The following TRIP12 variants were observed in gnomAD, a reference collection of about 807,000 sequenced individuals.
TRIP12 encodes thyroid hormone receptor interactor 12.
Under a neutral mutation model 244.2 loss-of-function variants are expected in TRIP12, and 25 were observed. The observed-to-expected ratio is 0.10, with a 90% CI of 0.07 to 0.14. TRIP12 has a LOEUF of 0.14. Among genes scored for constraint, TRIP12 ranks in the 10% least tolerant of loss-of-function variants. TRIP12 has a pLI of 1.00. For synonymous variants in TRIP12, 905 were observed against 873.1 expected (o/e 1.04, Z -0.64); for missense variants, 1,677 against 2,486.4 (o/e 0.67, Z 6.92).
rs376666903 is a variant in TRIP12 at position 229,873,699 on chromosome 2, A to G, written c.98+6283T>C. Among the ~76,000 whole-genome samples, 53 of 152,286 alleles carry G rather than the reference A, an allele frequency of 3.5e-4. 1 individual carries two copies. Among genetic ancestry groups the G allele is most frequent in the African/African-American group, 1.1e-3 (47 of 41,574 alleles). The stretch of plus-strand genomic sequence containing the variant: ...TGAAAACACAACTCTATTTCTTTCT[A>G]TATAACTAATGGGGGTTTAAAAAAA... On this transcript the variant is annotated intron_variant, in intron 2 of 41. Coordinates refer to ENST00000675903, the MANE Select transcript of TRIP12 (RefSeq NM_001348323.3).
chr2:229,897,395 C>A lies in TRIP12; in HGVS notation c.-49-17267G>T, dbSNP rs146932594. Among the ~76,000 whole-genome samples the A allele has an allele frequency of 2.9e-3, 447 of 152,306 alleles. 2 individuals are homozygous for A. The highest frequency in any genetic ancestry group is 0.01 in the African/African-American group (427 of 41,568). Reference sequence around the variant, plus strand: ...AGGTGCAGTGGCTCACGCCTGTAATCCCAGCACTTTGGGAGGCCAAGGTGG... The same window carrying A: ...AGGTGCAGTGGCTCACGCCTGTAATACCAGCACTTTGGGAGGCCAAGGTGG... On this transcript the variant is annotated intron_variant, in intron 1 of 41. Coordinates refer to ENST00000675903, the MANE Select transcript of TRIP12 (RefSeq NM_001348323.3).
At chr2:229,892,856 AC>A (rs1207354474) in intron 1 of TRIP12, among the ~76,000 whole-genome samples, 1 of 152,024 alleles carries the variant, frequency 6.6e-6, no homozygotes, top group East Asian at 1.9e-4. Context: ...ACAGAGTGAG[AC>A]CCTGCCTCGA....
chr2:229,845,317 G>C (rs2057350808), intron 4 of TRIP12, among the ~76,000 whole-genome samples: 2 of 152,162 alleles, frequency 1.3e-5, no homozygotes, highest in South Asian at 4.1e-4. Flanking sequence ...GTCATTATTA[G>C]AATTTTTAGT....
intron 9 of TRIP12, among the ~76,000 whole-genome samples, chr2:229,817,544 T>C (rs1191514623): frequency 6.6e-6 from 1 of 152,158 alleles, no homozygotes; most frequent in African/African-American, 2.4e-5. Flanking sequence ...AACTCACAAC[T>C]GTGTTGAAAA....
chr2:229,777,628 C>G, intron 36 of TRIP12, 149 bp from the exon 37 acceptor site: 1 of 777,912 alleles, frequency 1.3e-6, no homozygotes, highest in Admixed American at 2.7e-5. Context: ...ATTTCTCCCA[C>G]TACACAAAAT....
chr2:229,813,235 G>A (rs567342737), intron 13 of TRIP12, among the ~76,000 whole-genome samples: 1 of 152,124 alleles, frequency 6.6e-6, no homozygotes, highest in African/African-American at 2.4e-5. Flanking sequence ...TCTCAAGAAA[G>A]AGTAATCTTT....
At chr2:229,795,086 A>C in intron 26 of TRIP12, 93 bp downstream of exon 26, 1 of 1,453,630 alleles carries the variant, frequency 6.9e-7, no homozygotes, top group South Asian at 1.4e-5. Context: ...TTCTGGGCCA[A>C]TCAAGACTTT....
intron 6 of TRIP12, 75 bp from the exon 7 acceptor site, chr2:229,830,914 CA>C: frequency 1.4e-6 from 2 of 1,385,146 alleles, no homozygotes; most frequent in Non-Finnish European, 2.0e-6. Context: ...TTAGAAAAAC[CA>C]AAGTTTTGCG....
intron 33 of TRIP12, among the ~76,000 whole-genome samples, chr2:229,787,216 A>G (rs114783027): frequency 0.022 from 3,366 of 152,264 alleles, 133 homozygotes; most frequent in African/African-American, 0.077. Context: ...AAAAAGTTTC[A>G]GTGAGAGAAG....
At chr2:229,850,487 C>T (rs1160345409) in intron 4 of TRIP12, among the ~76,000 whole-genome samples, 5 of 152,212 alleles carry the variant, frequency 3.3e-5, no homozygotes, top group Admixed American at 6.5e-5. Flanking sequence ...AGATTATCTA[C>T]CTTTTTCACG....
At chr2:229,885,099 T>C (rs2065743281) in intron 1 of TRIP12, among the ~76,000 whole-genome samples, 1 of 152,170 alleles carries the variant, frequency 6.6e-6, no homozygotes, top group Admixed American at 6.5e-5. Flanking sequence ...TTTTCTATGT[T>C]TGGATATTTT....
intron 8 of TRIP12, among the ~76,000 whole-genome samples, chr2:229,828,564 G>A (rs2052391055): frequency 6.6e-6 from 1 of 151,972 alleles, no homozygotes; most frequent in Non-Finnish European, 1.5e-5. Flanking sequence ...CTGAGGTCAG[G>A]AGATCGAGAT....
intron 1 of TRIP12, among the ~76,000 whole-genome samples, chr2:229,904,416 CA>C (rs34224407): frequency 2.4e-3 from 206 of 87,592 alleles, no homozygotes; most frequent in Middle Eastern, 7.6e-3. Context: ...ACTCCATCTC[CA>C]AAAAAAAAAA....
At chr2:229,902,386 A>G (rs2071202085) in intron 1 of TRIP12, among the ~76,000 whole-genome samples, 1 of 151,932 alleles carries the variant, frequency 6.6e-6, no homozygotes, top group African/African-American at 2.4e-5. Flanking sequence ...TCCTCCCCCC[A>G]CCAAAAAAAA....
chr2:229,814,196 A>G (rs199779019), intron 12 of TRIP12, 37 bp downstream of exon 12: 63 of 1,599,176 alleles, frequency 3.9e-5, no homozygotes, highest in Non-Finnish European at 5.0e-5. Context: ...AATTCTACAT[A>G]AAGTGAAATG....
chr2:229,786,564 ATTTTTTTTTTTTTTT>A (rs34969936), intron 33 of TRIP12, among the ~76,000 whole-genome samples: 43 of 78,022 alleles, frequency 5.5e-4, no homozygotes, highest in African/African-American at 2.2e-3. Flanking sequence ...CGCCCAGATA[ATTTTTTTTTTTTTTT>A]TTTTTTTTTT....
At chr2:229,844,617 T>G (rs1449662187) in intron 4 of TRIP12, among the ~76,000 whole-genome samples, 1 of 152,198 alleles carries the variant, frequency 6.6e-6, no homozygotes, top group Middle Eastern at 3.2e-3. Context: ...ACTTTCCAGC[T>G]TCTTCAAGAT....
Position 229,796,642 on chromosome 2 carries a change from C to T in TRIP12, c.3765G>A (p.Val1255=), listed in dbSNP as rs1218906200. 1.2e-6 allele frequency: 2 copies of T among 1,611,802 alleles called. No homozygotes were observed. Among genetic ancestry groups the T allele is most frequent in the South Asian group, 1.1e-5 (1 of 90,552 alleles). The part of the protein sequence containing the change: ...YLTSKSEKDA[V]SREIRLKRFL... ...ATCGCTTTAATCTGATCTCTCTGCT[C>T]ACAGCATCCTTTTCACTTTTAGATG... Residue 1255 remains valine, a synonymous_variant, in exon 25 of 42, where the codon GTG becomes GTA. Coordinates refer to ENST00000675903, the MANE Select transcript of TRIP12 (RefSeq NM_001348323.3).
chr2:229,807,492 G>A, intron 17 of TRIP12: 1 of 588,778 alleles, frequency 1.7e-6, no homozygotes, highest in Non-Finnish European at 3.0e-6. Flanking sequence ...CTTGCTCCAA[G>A]TCAATCAGGT....
Sources: gnomAD v4.1 joint callset for allele counts (sites outside exome capture counted in the v4.1 genomes callset) on GRCh38, gnomAD v4.1.1 for gene constraint, MANE v1.5 for transcripts, NCBI Gene and HGNC (gene_info 2026-07-23, HGNC 2026-07-21) for gene names.